The following ABCC12 variants were observed in gnomAD, a reference collection of about 807,000 sequenced individuals.
ABCC12 encodes ATP binding cassette subfamily C member 12.
In ABCC12, 142 loss-of-function variants were observed where a neutral mutation model predicts 151.1. The observed-to-expected ratio is 0.94, with a 90% CI of 0.82 to 1.08. The LOEUF (loss-of-function observed/expected upper bound fraction) is 1.08. Ranked by LOEUF, ABCC12 falls within the 50% of genes least tolerant of loss-of-function variation. ABCC12 has a pLI of 0.00. For synonymous variants in ABCC12, 645 were observed against 646.4 expected (o/e 1.00, Z 0.03); for missense variants, 1,638 against 1,691.1 (o/e 0.97, Z 0.55).
chr16:48,099,681 G>A (rs1422799332), intron 23 of ABCC12, among the ~76,000 whole-genome samples: 6 of 152,164 alleles, frequency 3.9e-5, no homozygotes, highest in South Asian at 2.1e-4. Context: ...GGGACACTTC[G>A]CTAGGGTTGG....
At chr16:48,124,100 G>T in intron 12 of ABCC12, 113 bp downstream of exon 12, 1 of 1,146,762 alleles carries the variant, frequency 8.7e-7, no homozygotes, top group Non-Finnish European at 1.3e-6. Flanking sequence ...TGAACCACAT[G>T]CACAGTGTCC....
chr16:48,104,349 C>T lies in ABCC12; in HGVS notation c.2693G>A (p.Ser898Asn). 1 of 1,614,218 alleles carries T rather than the reference C, an allele frequency of 6.2e-7. No homozygotes were observed. Among genetic ancestry groups the T allele is most frequent in the Non-Finnish European group, 8.5e-7 (1 of 1,180,026 alleles). ...GCCAGTGGGAGTCGTGTCAAAGAAA[C>T]TCATTGGGCTCTTTAAGATCTGTGG... Reference protein sequence around the residue: ...VFDKILKSPMSFFDTTPTGRL... With the variant: ...VFDKILKSPMNFFDTTPTGRL... Residue 898 changes from serine (S) to asparagine (N), a missense_variant, in exon 22 of 31, where the codon AGT becomes AAT. Ser to Asn is a conservative substitution (Grantham distance 46, BLOSUM62 1). Coordinates refer to ENST00000311303, the MANE Select transcript of ABCC12 (RefSeq NM_001393797.1).
Position 48,146,486 on chromosome 16 carries a change from A to C in ABCC12, c.-50-12T>G. The C allele has an allele frequency of 7.4e-7, 1 of 1,355,836 alleles. No homozygotes were observed. The highest frequency in any genetic ancestry group is 1.8e-4 in the Middle Eastern group (1 of 5,500). 84.0% of individuals were successfully genotyped at this position (1,355,836 alleles called of 1,614,324 possible). A position where few individuals can be genotyped will look rare whatever the true frequency, so the allele number is the denominator to read the frequency against. ...GGGACACTTTCACTCTATGGCAGAG[A>C]AATGGCAAAGGTTATTGAGAGGTGA... On this transcript the variant is annotated splice_polypyrimidine_tract_variant and intron_variant, in intron 2 of 30. Coordinates refer to ENST00000311303, the MANE Select transcript of ABCC12 (RefSeq NM_001393797.1).
At chr16:48,118,350 C>T (rs1183287334) in intron 13 of ABCC12, among the ~76,000 whole-genome samples, 1 of 152,212 alleles carries the variant, frequency 6.6e-6, no homozygotes, top group East Asian at 1.9e-4. Context: ...CTTCCCCAGG[C>T]ATCACAGAGC....
chr16:48,147,879 C>G (rs907222609), intron 2 of ABCC12, among the ~76,000 whole-genome samples: 1 of 152,188 alleles, frequency 6.6e-6, no homozygotes. Flanking sequence ...TGGAGAAGCC[C>G]ACATGTTTTA....
chr16:48,088,547 G>A lies in ABCC12; in HGVS notation c.3473C>T (p.Ser1158Phe). The change falls in exon 26 of 31, where the codon TCC becomes TTC. Residue 1158 changes from serine to phenylalanine, a missense_variant and splice_region_variant. By Grantham distance (155) the Ser-to-Phe change is radical. Coordinates refer to ENST00000311303, the MANE Select transcript of ABCC12 (RefSeq NM_001393797.1). ...QTVGIVGRTG[S>F]GKSSLGMALF... ...ACAAAAGCAGAGCTTGTCCTCACCG[G>A]AACCTGTTCTTCCAACAATCCCGAC... 6.2e-7 allele frequency: 1 copy of A among 1,613,522 alleles called. No homozygotes were observed. Among genetic ancestry groups the A allele is most frequent in the Non-Finnish European group, 8.5e-7 (1 of 1,179,684 alleles).
At chr16:48,113,130 A>G (rs1963756904) in intron 15 of ABCC12, among the ~76,000 whole-genome samples, 1 of 152,146 alleles carries the variant, frequency 6.6e-6, no homozygotes, top group African/African-American at 2.4e-5. Flanking sequence ...TCCAAGGTCA[A>G]ATCAACCTCT....
At chr16:48,094,022 T>C (rs956902554) in intron 24 of ABCC12, among the ~76,000 whole-genome samples, 1 of 152,214 alleles carries the variant, frequency 6.6e-6, no homozygotes, top group African/African-American at 2.4e-5. Context: ...AGTGTTCCCA[T>C]AGATCTCAAT....
intron 2 of ABCC12, 200 bp from the exon 3 acceptor site, chr16:48,146,674 T>A: frequency 2.4e-6 from 1 of 412,180 alleles, no homozygotes; most frequent in Non-Finnish European, 4.3e-6. Context: ...TTCTTATTAG[T>A]AGGACCATTT....
At chr16:48,143,889 G>C in intron 4 of ABCC12, 21 bp downstream of exon 4, 2 of 1,608,930 alleles carry the variant, frequency 1.2e-6, no homozygotes, top group Non-Finnish European at 1.7e-6. Flanking sequence ...CTAATACAGT[G>C]ACCCAAGCAA....
chr16:48,142,595 TGAG>T (rs1964854667), intron 4 of ABCC12, among the ~76,000 whole-genome samples: 1 of 152,168 alleles, frequency 6.6e-6, no homozygotes, highest in African/African-American at 2.4e-5. Flanking sequence ...GGGGCACAGA[TGAG>T]GAGAAGCACA....
Position 48,081,591 on chromosome 16 carries a change from C to G in ABCC12, c.*2124G>C, listed in dbSNP as rs376577379. 4.6e-5 allele frequency among the ~76,000 whole-genome samples: 7 copies of G among 152,180 alleles called. No homozygotes were observed. Among genetic ancestry groups the G allele is most frequent in the African/African-American group, 1.7e-4 (7 of 41,444 alleles). On this transcript the variant is annotated 3_prime_UTR_variant, in exon 31 of 31. Coordinates refer to ENST00000311303, the MANE Select transcript of ABCC12 (RefSeq NM_001393797.1). ...TTACTAACCTCAGTGAGCCTCAAAT[C>G]CCATCTCATGGGGTGAGATGAGGAT...
At chr16:48,093,990 C>T (rs1024155879) in intron 24 of ABCC12, among the ~76,000 whole-genome samples, 1 of 152,206 alleles carries the variant, frequency 6.6e-6, no homozygotes, top group African/African-American at 2.4e-5. Flanking sequence ...CTCAATGAAG[C>T]CACAGAGCCA....
intron 2 of ABCC12, among the ~76,000 whole-genome samples, chr16:48,147,256 T>G (rs1164088081): frequency 1.3e-5 from 2 of 152,148 alleles, no homozygotes; most frequent in African/African-American, 2.4e-5. Flanking sequence ...CCATAGAGCA[T>G]GATCCCTGAA....
Position 48,104,323 on chromosome 16 carries a change from T to G in ABCC12, c.2719A>C (p.Arg907=), listed in dbSNP as rs757721002. ...MSFFDTTPTG[R]LMNRFSKDMD... ...TCCTTGGAAAAACGGTTCATTAGCC[T>G]GCCAGTGGGAGTCGTGTCAAAGAAA... Residue 907 remains arginine, a synonymous_variant, in exon 22 of 31, where the codon AGG becomes CGG. Coordinates refer to ENST00000311303, the MANE Select transcript of ABCC12 (RefSeq NM_001393797.1). 64 of 1,614,140 alleles carry G rather than the reference T, an allele frequency of 4.0e-5. No individual in the cohort carries two copies. In the East Asian group the frequency reaches 1.4e-3, roughly 35 times the overall value.
chr16:48,130,968 G>A lies in ABCC12; in HGVS notation c.1129-73C>T, dbSNP rs1188065819. 3.0e-6 allele frequency: 3 copies of A among 1,006,142 alleles called. No individual in the cohort carries two copies. The South Asian group carries it at 4.1e-5, about 14-fold the overall frequency. The allele number at this position is 1,006,142 out of a possible 1,614,324, so 62.3% of individuals were successfully genotyped here. ...TGGCTCTAAACCGTTATACACATGGGGTTTAAACTTGCTGAGATGAGAAAT... is the reference window on the plus strand; with the variant it reads ...TGGCTCTAAACCGTTATACACATGGAGTTTAAACTTGCTGAGATGAGAAAT... On this transcript the variant is annotated intron_variant, in intron 9 of 30. Coordinates refer to ENST00000311303, the MANE Select transcript of ABCC12 (RefSeq NM_001393797.1).
At chr16:48,139,015 C>T in intron 7 of ABCC12, 148 bp downstream of exon 7, 1 of 956,206 alleles carries the variant, frequency 1.0e-6, no homozygotes, top group Non-Finnish European at 1.5e-6. Context: ...AAACAAAAAA[C>T]CACTACTCTG....
In ABCC12 at chr16:48,104,240, A is replaced by G; in HGVS notation, c.2802T>C (p.Phe934=). 1 of 1,614,244 alleles carries G rather than the reference A, an allele frequency of 6.2e-7. No individual in the cohort carries two copies. Among genetic ancestry groups the G allele is most frequent in the Non-Finnish European group, 8.5e-7 (1 of 1,180,044 alleles). ...TCACGAGAATAAACACCACCATAAA[A>G]AACTGCTGCAGAAAGTTCTCTGCGT... ...PFHAENFLQQ[F]FMVVFILVIL... is the part of the protein sequence containing the mutation. The change falls in exon 22 of 31, where the codon TTT becomes TTC. Residue 934 remains phenylalanine (F), a synonymous_variant. Transcript: ENST00000311303.
intron 9 of ABCC12, among the ~76,000 whole-genome samples, chr16:48,132,766 G>A (rs28592871): frequency 0.056 from 8,577 of 152,188 alleles, 817 homozygotes; most frequent in African/African-American, 0.2. Context: ...AAGAATAGCT[G>A]ACACTTGTAT....
Sources: gnomAD v4.1 joint callset for allele counts (sites outside exome capture counted in the v4.1 genomes callset) on GRCh38, gnomAD v4.1.1 for gene constraint, MANE v1.5 for transcripts, NCBI Gene and HGNC (gene_info 2026-07-23, HGNC 2026-07-21) for gene names.